The following TMPRSS4 variants were observed in gnomAD, a reference collection of about 807,000 sequenced individuals.
TMPRSS4 encodes the protein transmembrane protease serine 4.
Under a neutral mutation model 56.4 loss-of-function variants are expected in TMPRSS4, and 45 were observed. The observed-to-expected ratio is 0.80, with a 90% CI of 0.63 to 1.02. The LOEUF is 1.02. Among genes scored for constraint, TMPRSS4 ranks in the 50% least tolerant of loss-of-function variants. The pLI is 0.00. For synonymous variants in TMPRSS4, 205 were observed against 211.0 expected (o/e 0.97, Z 0.25); for missense variants, 546 against 556.7 (o/e 0.98, Z 0.19).
chr11:118,083,244 G>A (rs765905316), intron 1 of TMPRSS4, among the ~76,000 whole-genome samples: 2 of 152,146 alleles, frequency 1.3e-5, no homozygotes, highest in Admixed American at 6.5e-5. Flanking sequence ...AACTTCCCCC[G>A]TTCCTCCTAG....
intron 3 of TMPRSS4, among the ~76,000 whole-genome samples, chr11:118,100,951 C>A (rs1364921481): frequency 2.0e-5 from 3 of 152,174 alleles, no homozygotes; most frequent in Non-Finnish European, 4.4e-5. Flanking sequence ...GGAGTCTCAA[C>A]TGGCAATGCT....
intron 1 of TMPRSS4, among the ~76,000 whole-genome samples, chr11:118,091,364 C>G (rs1335567893): frequency 6.6e-6 from 1 of 152,152 alleles, no homozygotes; most frequent in African/African-American, 2.4e-5. Flanking sequence ...CAGCAAGATC[C>G]TCCGTAACCA....
At position 118,109,891 on chromosome 11, in the gene TMPRSS4, T is replaced by C. The variant is rs1947189195; in HGVS notation, c.583+995T>C. Among the ~76,000 whole-genome samples, 4 of 152,190 alleles carry C rather than the reference T, an allele frequency of 2.6e-5. No individual in the cohort carries two copies. In the South Asian group the frequency reaches 8.3e-4, roughly 31 times the overall value. ...TGACACGTGGTGGCTGGTCAATGAA[T>C]GAATGAATGAATGGTCACACCATCT... is the stretch of plus-strand genomic sequence containing the variant. On this transcript the variant is annotated intron_variant, in intron 7 of 12. Transcript: ENST00000437212.
At chr11:118,088,167 A>C (rs554826482) in intron 1 of TMPRSS4, 1 of 152,368 alleles carries the variant, frequency 6.6e-6, no homozygotes, top group South Asian at 2.1e-4. Flanking sequence ...TGAAATCAAC[A>C]GTCCACCAAG....
Position 118,119,180 on chromosome 11 carries a change from GTGAGTGGAAAC to G in TMPRSS4, c.*1269_*1279del, listed in dbSNP as rs1316458378. ...AAAATAAAACAAAACCATCAGAACT[GTGAGTGGAAAC>G]TAAGGTGATGATCTGGGAGCAATAC... is the stretch of plus-strand genomic sequence containing the variant. On this transcript the variant is annotated 3_prime_UTR_variant, in exon 13 of 13. Transcript: ENST00000437212. The G allele has an allele frequency of 2.0e-6, 2 of 985,296 alleles. No individual in the cohort carries two copies. The highest frequency in any genetic ancestry group is 1.7e-5 in the African/African-American group (1 of 57,226). 61.0% of individuals were successfully genotyped at this position (985,296 alleles called of 1,614,324 possible). A position where few individuals can be genotyped will look rare whatever the true frequency, so the allele number is the denominator to read the frequency against.
rs991183104 is a variant in TMPRSS4 at position 118,078,968 on chromosome 11, G to A, written c.3+1663G>A. Among the ~76,000 whole-genome samples the A allele has an allele frequency of 3.3e-5, 5 of 152,152 alleles. 1 individual carries two copies. The highest frequency in any genetic ancestry group is 3.3e-4 in the Admixed American group (5 of 15,276). Reference sequence around the variant, plus strand: ...AGATGTAAGGACTTAGGACTAAAGAGGAGTCTGTGCTAGGAAATGACAGCT... The same window carrying A: ...AGATGTAAGGACTTAGGACTAAAGAAGAGTCTGTGCTAGGAAATGACAGCT... On this transcript the variant is annotated intron_variant, in intron 1 of 12. Coordinates refer to ENST00000437212, the MANE Select transcript of TMPRSS4 (RefSeq NM_019894.4).
At chr11:118,094,747 C>G in intron 1 of TMPRSS4, 69 bp from the exon 2 acceptor site, 3 of 1,460,318 alleles carry the variant, frequency 2.1e-6, no homozygotes, top group South Asian at 1.2e-5. Flanking sequence ...GACCCAAGAA[C>G]CTCCCGTAGG....
downstream of TMPRSS4, among the ~76,000 whole-genome samples, chr11:118,122,307 G>A (rs1032060662): frequency 1.3e-5 from 2 of 152,152 alleles, no homozygotes. Flanking sequence ...CCAGGTTACA[G>A]AACCATTAAA....
chr11:118,099,630 A>G (rs1360435691), intron 3 of TMPRSS4, among the ~76,000 whole-genome samples: 1 of 152,080 alleles, frequency 6.6e-6, no homozygotes, highest in East Asian at 1.9e-4. Flanking sequence ...GCACAGTGGC[A>G]TATGTTCCTA....
chr11:118,109,038 C>A, intron 7 of TMPRSS4, 142 bp downstream of exon 7: 1 of 822,830 alleles, frequency 1.2e-6, no homozygotes, highest in East Asian at 2.7e-5. Context: ...TCGGTCAATG[C>A]CCCCTCGAGT....
Position 118,099,072 on chromosome 11 carries a change from C to T in TMPRSS4, c.131C>T (p.Ala44Val), listed in dbSNP as rs148550252. The change falls in exon 3 of 13, where the codon GCG (alanine) becomes GTG (valine). Residue 44 changes from alanine to valine, a missense_variant. Ala to Val is a moderately conservative substitution (Grantham distance 64). Coordinates refer to ENST00000437212, the MANE Select transcript of TMPRSS4 (RefSeq NM_019894.4). ...IPIIIALLSL[A>V]SIIIVVVLIK... is the part of the protein sequence containing the mutation. ...ATCATCATAGCACTACTGAGCCTGG[C>T]GAGTATCATCATTGTGGTTGTCCTC... is the stretch of plus-strand genomic sequence containing the variant. 4.8e-4 allele frequency: 782 copies of T among 1,613,860 alleles called. 1 individual carries two copies. Among genetic ancestry groups the T allele is most frequent in the Middle Eastern group, 4.6e-3 (28 of 6,058 alleles).
At chr11:118,104,554 G>A in intron 4 of TMPRSS4, 137 bp from the exon 5 acceptor site, 1 of 1,363,858 alleles carries the variant, frequency 7.3e-7, no homozygotes, top group Non-Finnish European at 1.0e-6. Flanking sequence ...AAATTCCCTT[G>A]ACATTGAAAG....
chr11:118,081,526 A>G (rs1340938527), intron 1 of TMPRSS4, among the ~76,000 whole-genome samples: 3 of 152,248 alleles, frequency 2.0e-5, no homozygotes, highest in African/African-American at 7.2e-5. Context: ...ACGTGCAACC[A>G]GAAACTCTCG....
chr11:118,117,719 C>T (rs1182215368), intron 12 of TMPRSS4, 183 bp from the exon 13 acceptor site: 6 of 985,300 alleles, frequency 6.1e-6, no homozygotes, highest in Admixed American at 6.1e-5. Context: ...ACTATCAGAT[C>T]CTTTCTAGAG....
chr11:118,077,339 G>A (rs772676385), intron 1 of TMPRSS4, 34 bp downstream of exon 1: 2 of 1,583,598 alleles, frequency 1.3e-6, no homozygotes, highest in Admixed American at 1.8e-5. Context: ...CAAGACACAG[G>A]AAGGGTGGGT....
chr11:118,096,368 C>T (rs1433258100), intron 2 of TMPRSS4, among the ~76,000 whole-genome samples: 2 of 152,202 alleles, frequency 1.3e-5, no homozygotes, highest in East Asian at 3.8e-4. Context: ...TTAATACTAG[C>T]ATTCATTGGG....
Position 118,108,858 on chromosome 11 carries a change from CCT to C in TMPRSS4, c.546_547del (p.Cys183SerfsTer97). ...AGGGCGCTGTGTCTGTCTTCCAGGC[CCT>C]GTCTCTCAGGCTCCCTGGTCTCCCT... On this transcript the variant is annotated frameshift_variant, in exon 7 of 13. Coordinates refer to ENST00000437212, the MANE Select transcript of TMPRSS4 (RefSeq NM_019894.4). LOFTEE classifies it high-confidence loss of function. 1 of 1,614,002 alleles carries C rather than the reference CCT, an allele frequency of 6.2e-7. No individual in the cohort carries two copies. Among genetic ancestry groups the C allele is most frequent in the Non-Finnish European group, 8.5e-7 (1 of 1,179,950 alleles).
chr11:118,089,458 A>G (rs1945806535), intron 1 of TMPRSS4, among the ~76,000 whole-genome samples: 1 of 152,144 alleles, frequency 6.6e-6, no homozygotes, highest in Non-Finnish European at 1.5e-5. Flanking sequence ...TCCTTGCTTC[A>G]TGACTTTTTT....
rs201503738 is a variant in TMPRSS4 at position 118,077,308 on chromosome 11, G to A, written c.3+3G>A. On this transcript the variant is annotated splice_donor_region_variant and intron_variant, in intron 1 of 12. Transcript: ENST00000437212. ...GGGAGGATCACAGAGCCAGCATGGT[G>A]AGTGTGGGGCCCTCTGCTCCCAAGA... The A allele has an allele frequency of 5.8e-5, 93 of 1,601,250 alleles. No homozygotes were observed. The Middle Eastern group carries it at 3.3e-3, about 57-fold the overall frequency.
Sources: allele counts gnomAD v4.1 joint callset (sites outside exome capture counted in the v4.1 genomes callset), GRCh38; gene constraint gnomAD v4.1.1; transcripts MANE v1.5; gene names NCBI Gene and HGNC (gene_info 2026-07-23, HGNC 2026-07-21).